Variants in PATJ observed in about 807,000 individuals in gnomAD.
PATJ encodes the protein PATJ crumbs cell polarity complex component, also known as inaD-like protein.
Under a neutral mutation model 224.9 loss-of-function variants are expected in PATJ, and 190 were observed. The observed-to-expected ratio is 0.84, with a 90% confidence interval of 0.75 to 0.95. The LOEUF is 0.95. PATJ is among the 40% of genes least tolerant of loss of function. The pLI, the probability that PATJ is intolerant of heterozygous loss-of-function variation, is 0.00. For missense variants in PATJ, 2,121 were observed against 2,270.3 expected (o/e 0.93, Z 1.34); for synonymous variants, 769 against 820.3 (o/e 0.94, Z 1.07).
At chr1:61,756,970 G>A (rs1262534628) in intron 1 of PATJ, among the ~76,000 whole-genome samples, 2 of 151,946 alleles carry the variant, frequency 1.3e-5, no homozygotes, top group Non-Finnish European at 2.9e-5. Context: ...ATTTCTCTTA[G>A]CACGTGGTAC....
In PATJ at chr1:61,990,169, A is replaced by T; in HGVS notation, c.3672A>T (p.Gln1224His). The T allele has an allele frequency of 6.3e-7, 1 of 1,590,392 alleles. No individual in the cohort carries two copies. Among genetic ancestry groups the T allele is most frequent in the Non-Finnish European group, 8.5e-7 (1 of 1,172,638 alleles). The change falls in exon 28 of 44, where the codon CAA (glutamine) becomes CAT (histidine). Residue 1224 changes from glutamine (Q) to histidine (H), a missense_variant and splice_region_variant. Transcript: ENST00000642238. The stretch of plus-strand genomic sequence containing the variant: ...ATTTTAAAAAAATTCTTTTAATAGA[A>T]AAAATCAGACAAAGATATGCAGATC... The part of the protein sequence containing the change: ...ENEEEDAFTD[Q>H]KIRQRYADLP...
At chr1:61,868,216 T>G (rs1158813049) in intron 20 of PATJ, among the ~76,000 whole-genome samples, 3 of 152,236 alleles carry the variant, frequency 2.0e-5, no homozygotes, top group Non-Finnish European at 4.4e-5. Context: ...TAAGTACATG[T>G]ACATTTTTGT....
In PATJ at chr1:62,162,839, C is replaced by A; in HGVS notation, c.*1785C>A. On this transcript the variant is annotated 3_prime_UTR_variant, in exon 44 of 44. Coordinates refer to ENST00000642238, the MANE Select transcript of PATJ (RefSeq NM_001350145.3). ...GCAGGCGCCTGTAATCCCAGCTACT[C>A]CGGAGGTTGAAGCAGGAAAATTGCT... The A allele has an allele frequency of 3.8e-6, 1 of 260,388 alleles. No homozygotes were observed. Among genetic ancestry groups the A allele is most frequent in the Non-Finnish European group, 7.7e-6 (1 of 129,850 alleles). The allele number at this position is 260,388 out of a possible 1,614,324, so 16.1% of individuals were successfully genotyped here.
chr1:61,830,045 G>A (rs1016894238), intron 16 of PATJ, among the ~76,000 whole-genome samples: 2 of 152,026 alleles, frequency 1.3e-5, no homozygotes, highest in African/African-American at 4.8e-5. Context: ...ATCGGTTATT[G>A]ACCACCCGTG....
At chr1:61,984,221 T>G (rs990290641) in intron 27 of PATJ, among the ~76,000 whole-genome samples, 1 of 149,522 alleles carries the variant, frequency 6.7e-6, no homozygotes, top group Non-Finnish European at 1.5e-5. Context: ...AGTGCAGAGG[T>G]GCCATCTCTG....
intron 27 of PATJ, among the ~76,000 whole-genome samples, chr1:61,966,793 G>T (rs1291644945): frequency 1.3e-5 from 2 of 151,888 alleles, no homozygotes; most frequent in East Asian, 1.9e-4. Context: ...TTGATTATAT[G>T]CTAAACAAGA....
chr1:61,986,368 A>C (rs1453290651), intron 27 of PATJ, among the ~76,000 whole-genome samples: 2 of 152,068 alleles, frequency 1.3e-5, no homozygotes, highest in African/African-American at 4.8e-5. Context: ...CCATAATTTT[A>C]TTTAAAAAAC....
At chr1:61,988,364 A>G (rs533463968) in intron 27 of PATJ, among the ~76,000 whole-genome samples, 1 of 152,288 alleles carries the variant, frequency 6.6e-6, no homozygotes, top group East Asian at 1.9e-4. Context: ...TTGTTGTGTT[A>G]ACTTTATTTC....
chr1:62,041,959 C>G (rs1214377907), intron 30 of PATJ, among the ~76,000 whole-genome samples: 2 of 151,844 alleles, frequency 1.3e-5, no homozygotes, highest in East Asian at 3.9e-4. Context: ...CGCACTCCAG[C>G]CTGGGCGACA....
rs899830104 is a variant in PATJ, at chr1:62,086,006, G to A, written c.4377+1358G>A. On this transcript the variant is annotated intron_variant, in intron 33 of 43. Coordinates refer to ENST00000642238, the MANE Select transcript of PATJ (RefSeq NM_001350145.3). This position sits in a 1 kb window ranked among gnomAD's most constrained non-coding sequence, Gnocchi z 4.0. ...ATTTTTTTAAATAAATAGAGATGGG[G>A]TCTTGCTATGTTGCCCAAGCTGGTT... 6.6e-6 allele frequency among the ~76,000 whole-genome samples: 1 copy of A among 151,782 alleles called. No homozygotes were observed. The highest frequency in any genetic ancestry group is 2.4e-5 in the African/African-American group (1 of 41,296).
At chr1:61,986,437 A>G (rs1644760065) in intron 27 of PATJ, among the ~76,000 whole-genome samples, 1 of 151,938 alleles carries the variant, frequency 6.6e-6, no homozygotes, top group Admixed American at 6.6e-5. Flanking sequence ...ATTTACTTTT[A>G]GAGATGGGGG....
chr1:62,064,771 T>G (rs984709746), intron 31 of PATJ, among the ~76,000 whole-genome samples: 3 of 152,262 alleles, frequency 2.0e-5, no homozygotes, highest in African/African-American at 7.2e-5. Context: ...ATATGAGATC[T>G]TGAACTGTAT....
chr1:61,954,551 A>T (rs1441549377), intron 27 of PATJ, among the ~76,000 whole-genome samples: 1 of 152,158 alleles, frequency 6.6e-6, no homozygotes, highest in African/African-American at 2.4e-5. Flanking sequence ...TTGTTATTTC[A>T]ATTAAGAAAA....
At chr1:61,850,476 C>T (rs1662641206) in intron 17 of PATJ, among the ~76,000 whole-genome samples, 1 of 152,244 alleles carries the variant, frequency 6.6e-6, no homozygotes, top group South Asian at 2.1e-4. Context: ...GCATGCTGCA[C>T]ATTCTGTACC....
intron 29 of PATJ, among the ~76,000 whole-genome samples, chr1:62,034,378 G>A (rs1003254083): frequency 4.6e-5 from 7 of 150,866 alleles, no homozygotes; most frequent in African/African-American, 1.7e-4. Flanking sequence ...GGGAGGTGGA[G>A]GCTGCAGTGA....
At chr1:61,867,572 A>ATT (rs1557783576) in intron 20 of PATJ, among the ~76,000 whole-genome samples, 92 of 51,294 alleles carry the variant, frequency 1.8e-3, no homozygotes, top group South Asian at 4.0e-3. Context: ...AAATCTGTAA[A>ATT]ATTTTTTTTT....
chr1:61,795,777 TA>T (rs898369568), intron 10 of PATJ, among the ~76,000 whole-genome samples: 4 of 146,726 alleles, frequency 2.7e-5, no homozygotes, highest in African/African-American at 9.8e-5. Context: ...AACATATTGG[TA>T]AAAAAGTATA....
intron 22 of PATJ, among the ~76,000 whole-genome samples, chr1:61,895,752 C>T (rs776253158): frequency 6.6e-6 from 1 of 152,340 alleles, no homozygotes; most frequent in Non-Finnish European, 1.5e-5. Flanking sequence ...CCCATGGGGG[C>T]ACTGCCTTGT....
intron 17 of PATJ, among the ~76,000 whole-genome samples, chr1:61,837,772 A>AGAGT (rs1660406886): frequency 7.1e-6 from 1 of 140,442 alleles, no homozygotes; most frequent in South Asian, 2.4e-4. Flanking sequence ...CCTGGGAGAC[A>AGAGT]GAGTGAGACT....
Sources: gnomAD v4.1 joint callset for allele counts (sites outside exome capture counted in the v4.1 genomes callset) on GRCh38, gnomAD v4.1.1 for gene constraint, Gnocchi (gnomAD v3.1) non-coding constraint, MANE v1.5 for transcripts, NCBI Gene and HGNC (gene_info 2026-07-23, HGNC 2026-07-21) for gene names.